Variants in UBXN10 observed in about 807,000 individuals in gnomAD.
The protein encoded by UBXN10 is UBX domain-containing protein 10.
In UBXN10, 6 loss-of-function variants were observed where a neutral mutation model predicts 6.9. The ratio of observed to expected loss-of-function variants is 0.87; its 90% CI spans 0.48 to 1.72. The LOEUF is 1.72. Ranked by LOEUF, UBXN10 falls within the 40% of genes most tolerant of loss-of-function variation. UBXN10 has a pLI of 0.01. For synonymous variants in UBXN10, 131 were observed against 135.2 expected (o/e 0.97, Z 0.21); for missense variants, 317 against 348.4 (o/e 0.91, Z 0.72).
chr1:20,191,076 G>A lies in UBXN10; in HGVS notation c.515G>A (p.Arg172Lys). 1 of 1,614,140 alleles carries A rather than the reference G, an allele frequency of 6.2e-7. No individual in the cohort carries two copies. Among genetic ancestry groups the A allele is most frequent in the Non-Finnish European group, 8.5e-7 (1 of 1,180,044 alleles). Residue 172 changes from arginine to lysine, a missense_variant, in exon 2 of 2, where the codon AGG becomes AAG. Physicochemically the swap from Arg to Lys is conservative, Grantham distance 26 (BLOSUM62 2). Transcript: ENST00000375099. This position sits in a 1 kb window ranked among gnomAD's most constrained non-coding sequence, Gnocchi z 4.5. ...AGAGCTCGAGCTTGTGCCGTGGAGA[G>A]GAAATTCATCGTCCGAACCAAGAAA... The part of the protein sequence containing the change: ...DSRARACAVE[R>K]KFIVRTKKQG...
upstream of UBXN10, among the ~76,000 whole-genome samples, chr1:20,185,221 A>C (rs779729992): frequency 6.6e-6 from 1 of 152,156 alleles, no homozygotes; most frequent in Non-Finnish European, 1.5e-5. Flanking sequence ...TGAGAGTCTA[A>C]CTGAGGTTAG....
In UBXN10 at chr1:20,187,013, A is replaced by T. The variant is rs1238472273; in HGVS notation, c.-16+860A>T. Among the ~76,000 whole-genome samples, 1 of 152,214 alleles carries T rather than the reference A, an allele frequency of 6.6e-6. No homozygotes were observed. Among genetic ancestry groups the T allele is most frequent in the African/African-American group, 2.4e-5 (1 of 41,450 alleles). On this transcript the variant is annotated intron_variant, in intron 1 of 1. Coordinates refer to ENST00000375099, the MANE Select transcript of UBXN10 (RefSeq NM_152376.5). The surrounding 1 kb of genome is among the most constrained non-coding windows in gnomAD (Gnocchi z 4.6). The stretch of plus-strand genomic sequence containing the variant: ...GATGGTATGTAGGTGGTTATATTTT[A>T]CTGCATATACTGTAGGCTTAGATTT...
chr1:20,187,009 TTTTA>T lies in UBXN10; in HGVS notation c.-16+857_-16+860del, dbSNP rs1212854689. Among the ~76,000 whole-genome samples, 2 of 152,226 alleles carry T rather than the reference TTTTA, an allele frequency of 1.3e-5. No individual in the cohort carries two copies. The highest frequency in any genetic ancestry group is 2.9e-5 in the Non-Finnish European group (2 of 68,040). On this transcript the variant is annotated intron_variant, in intron 1 of 1. Transcript: ENST00000375099. The surrounding 1 kb of genome is among the most constrained non-coding windows in gnomAD (Gnocchi z 4.6). Reference sequence around the variant, plus strand: ...AGCAGATGGTATGTAGGTGGTTATATTTTACTGCATATACTGTAGGCTTAGATTT... The same window carrying T: ...AGCAGATGGTATGTAGGTGGTTATATCTGCATATACTGTAGGCTTAGATTT...
chr1:20,185,479 G>C (rs1363410106), upstream of UBXN10, among the ~76,000 whole-genome samples: 1 of 152,200 alleles, frequency 6.6e-6, no homozygotes, highest in Non-Finnish European at 1.5e-5. Flanking sequence ...AGATACAGCG[G>C]AAGTGACTCA....
At chr1:20,185,227 G>T (rs1188093082), upstream of UBXN10, among the ~76,000 whole-genome samples, 1 of 152,190 alleles carries the variant, frequency 6.6e-6, no homozygotes, top group African/African-American at 2.4e-5. Flanking sequence ...TCTAACTGAG[G>T]TTAGAGACCT....
intron 1 of UBXN10, among the ~76,000 whole-genome samples, chr1:20,188,911 G>A (rs1264835243): frequency 6.6e-6 from 1 of 152,146 alleles, no homozygotes; most frequent in Non-Finnish European, 1.5e-5. Flanking sequence ...AACAAAAAAC[G>A]CTTAACATTT....
rs766082670 is a variant in UBXN10, at chr1:20,190,787, A to C, written c.226A>C (p.Ser76Arg). 6.2e-7 allele frequency: 1 copy of C among 1,614,018 alleles called. No individual in the cohort carries two copies. The highest frequency in any genetic ancestry group is 1.1e-5 in the South Asian group (1 of 91,078). ...TCCAGCCATTCCCTATGAGTTGCCAAGCAGCCAAAAACCAGGAGCCTGTGC... is the reference window on the plus strand; with the variant it reads ...TCCAGCCATTCCCTATGAGTTGCCACGCAGCCAAAAACCAGGAGCCTGTGC... The part of the protein sequence containing the change: ...PPPAIPYELP[S>R]SQKPGACAPK... Residue 76 changes from serine (S) to arginine (R), a missense_variant, in exon 2 of 2, where the codon AGC (serine) becomes CGC (arginine). Coordinates refer to ENST00000375099, the MANE Select transcript of UBXN10 (RefSeq NM_152376.5).
At position 20,187,506 on chromosome 1, in the gene UBXN10, G is replaced by GC. The variant is rs71585746; in HGVS notation, c.-16+1356dup. ...TCCCCAAACACCTGTTTCCCCCACCGCCCATCCCTGTGTGATGGGTGCTGG... is the reference window on the plus strand; with the variant it reads ...TCCCCAAACACCTGTTTCCCCCACCGCCCCATCCCTGTGTGATGGGTGCTGG... On this transcript the variant is annotated intron_variant, in intron 1 of 1. Transcript: ENST00000375099. The surrounding 1 kb of genome is among the most constrained non-coding windows in gnomAD (Gnocchi z 4.6). 0.29 allele frequency among the ~76,000 whole-genome samples: 43,782 copies of GC among 151,998 alleles called. 7,172 individuals are homozygous for GC. Among genetic ancestry groups the GC allele is most frequent in the African/African-American group, 0.43 (17,982 of 41,422 alleles).
rs1190179339 is a variant in UBXN10 at position 20,192,872 on chromosome 1, G to A, written c.*1468G>A. ...GCACGTTGAGGCTTAGTGGAGATGGGCACCACTGCCATTTGCTCAGAAGAA... is the reference window on the plus strand; with the variant it reads ...GCACGTTGAGGCTTAGTGGAGATGGACACCACTGCCATTTGCTCAGAAGAA... On this transcript the variant is annotated 3_prime_UTR_variant, in exon 2 of 2. Coordinates refer to ENST00000375099, the MANE Select transcript of UBXN10 (RefSeq NM_152376.5). The A allele has an allele frequency of 6.0e-6, 1 of 167,132 alleles. No individual in the cohort carries two copies. Among genetic ancestry groups the A allele is most frequent in the Admixed American group, 6.5e-5 (1 of 15,288 alleles). 10.4% of individuals were successfully genotyped at this position (167,132 alleles called of 1,614,324 possible).
rs762559352 is a variant in UBXN10, at chr1:20,190,776, A to G, written c.215A>G (p.Tyr72Cys). The G allele has an allele frequency of 6.2e-7, 1 of 1,613,982 alleles. No individual in the cohort carries two copies. Among genetic ancestry groups the G allele is most frequent in the South Asian group, 1.1e-5 (1 of 91,066 alleles). Residue 72 changes from tyrosine (Y) to cysteine (C), a missense_variant, in exon 2 of 2, where the codon TAT (tyrosine) becomes TGT (cysteine). Coordinates refer to ENST00000375099, the MANE Select transcript of UBXN10 (RefSeq NM_152376.5). ...HIPSPPPAIP[Y>C]ELPSSQKPGA... ...CCATCTCCGCCTCCAGCCATTCCCT[A>G]TGAGTTGCCAAGCAGCCAAAAACCA...
At chr1:20,189,090 AG>A (rs2018448218) in intron 1 of UBXN10, among the ~76,000 whole-genome samples, 1 of 152,088 alleles carries the variant, frequency 6.6e-6, no homozygotes, top group African/African-American at 2.4e-5. Flanking sequence ...TGTGCCAGAA[AG>A]GTAGAGTGAT....
rs372417714 is a variant in UBXN10, at chr1:20,191,245, C to T, written c.684C>T (p.Ala228=). The change falls in exon 2 of 2, where the codon GCC becomes GCT. Residue 228 remains alanine, a synonymous_variant. Coordinates refer to ENST00000375099, the MANE Select transcript of UBXN10 (RefSeq NM_152376.5). The surrounding 1 kb of genome is among the most constrained non-coding windows in gnomAD (Gnocchi z 4.5). ...TDDLQTIVAV[A]EQKNKTSYRH... ...ATTTGCAAACCATTGTTGCTGTGGC[C>T]GAACAGAAAAACAAAACCTCCTACC... 1.2e-5 allele frequency: 19 copies of T among 1,613,970 alleles called. No homozygotes were observed. Among genetic ancestry groups the T allele is most frequent in the African/African-American group, 9.3e-5 (7 of 74,878 alleles).
chr1:20,189,486 G>A (rs941328643), intron 1 of UBXN10, among the ~76,000 whole-genome samples: 6 of 152,074 alleles, frequency 3.9e-5, no homozygotes, highest in African/African-American at 1.2e-4. Context: ...AAATGTTCAC[G>A]CCTCCCACCA....
upstream of UBXN10, among the ~76,000 whole-genome samples, chr1:20,184,906 C>A (rs926268218): frequency 2.0e-5 from 3 of 152,120 alleles, no homozygotes; most frequent in Non-Finnish European, 2.9e-5. Context: ...GTAATCTCAG[C>A]ACTTTGGGAG....
chr1:20,189,019 C>G (rs2018446476), intron 1 of UBXN10, among the ~76,000 whole-genome samples: 2 of 152,134 alleles, frequency 1.3e-5, no homozygotes. Flanking sequence ...GACTGATGTT[C>G]TGAGGTACTT....
At chr1:20,185,415 C>A (rs952817402), upstream of UBXN10, among the ~76,000 whole-genome samples, 1 of 151,988 alleles carries the variant, frequency 6.6e-6, no homozygotes, top group African/African-American at 2.4e-5. Flanking sequence ...AGATTGATAT[C>A]GAGGGGGAAA....
upstream of UBXN10, among the ~76,000 whole-genome samples, chr1:20,185,518 T>C (rs1323802802): frequency 6.6e-6 from 1 of 152,156 alleles, no homozygotes; most frequent in Non-Finnish European, 1.5e-5. Context: ...AGATTGTGGC[T>C]GGGGACATCA....
chr1:20,189,784 A>C (rs569973370), intron 1 of UBXN10, among the ~76,000 whole-genome samples: 2 of 152,358 alleles, frequency 1.3e-5, no homozygotes, highest in African/African-American at 2.4e-5. Flanking sequence ...GCTAGCAGAC[A>C]TACAGAATGT....
At position 20,191,580 on chromosome 1, in the gene UBXN10, G is replaced by A; in HGVS notation, c.*176G>A. ...GCAGTGAAGTCTGTGCCTATGCCGA[G>A]CGCGCTAAGAAGTCTCCCTTCCAGC... On this transcript the variant is annotated 3_prime_UTR_variant, in exon 2 of 2. Transcript: ENST00000375099. This position sits in a 1 kb window ranked among gnomAD's most constrained non-coding sequence, Gnocchi z 4.5. 4.0e-6 allele frequency: 4 copies of A among 993,200 alleles called. No individual in the cohort carries two copies. The highest frequency in any genetic ancestry group is 4.3e-6 in the Non-Finnish European group (3 of 691,566). 61.5% of individuals were successfully genotyped at this position (993,200 alleles called of 1,614,324 possible).
Sources: gnomAD v4.1 joint callset for allele counts (sites outside exome capture counted in the v4.1 genomes callset) on GRCh38, gnomAD v4.1.1 for gene constraint, Gnocchi (gnomAD v3.1) non-coding constraint, MANE v1.5 for transcripts, NCBI Gene and HGNC (gene_info 2026-07-23, HGNC 2026-07-21) for gene names.